LY96: variants seen among roughly 807,000 people sequenced by gnomAD.
LY96 encodes the protein myeloid differentiation protein-2.
LY96 carries 18 observed loss-of-function variants against 18.9 expected under a neutral mutation model. The observed-to-expected ratio is 0.95, with a 90% confidence interval of 0.66 to 1.41. The LOEUF is 1.41. Among genes scored for constraint, LY96 ranks in the 40% most tolerant of loss-of-function variants. The pLI, the probability that LY96 is intolerant of heterozygous loss-of-function variation, is 0.00. For synonymous variants in LY96, 66 were observed against 62.6 expected (o/e 1.06, Z -0.26); for missense variants, 175 against 182.4 (o/e 0.96, Z 0.23).
chr8:74,033,499 C>T (rs1280608409), downstream of LY96, among the ~76,000 whole-genome samples: 1 of 152,216 alleles, frequency 6.6e-6, no homozygotes, highest in African/African-American at 2.4e-5. Context: ...TAGGGTCTTG[C>T]TCCCTGACGA....
At chr8:74,066,121 A>G in the LY96 span, among the ~76,000 whole-genome samples, 1 of 152,124 alleles carries the variant, frequency 6.6e-6, no homozygotes, top group African/African-American at 2.4e-5. Context: ...GAGGCTGGGA[A>G]GTCCAAGACC....
chr8:74,043,875 C>G, the LY96 span, among the ~76,000 whole-genome samples: 1 of 152,040 alleles, frequency 6.6e-6, no homozygotes, highest in Non-Finnish European at 1.5e-5. Flanking sequence ...TGGCTGTTAC[C>G]CAGGCTGAAA....
At chr8:74,097,786 A>G in the LY96 span, among the ~76,000 whole-genome samples, 1 of 152,202 alleles carries the variant, frequency 6.6e-6, no homozygotes, top group Non-Finnish European at 1.5e-5. Context: ...CCAGTTACTC[A>G]AAGTGTGGTC....
At chr8:74,085,289 G>C in the LY96 span, among the ~76,000 whole-genome samples, 1 of 152,182 alleles carries the variant, frequency 6.6e-6, no homozygotes. Flanking sequence ...ACCTATGATT[G>C]TCTGGTTTCA....
intron 3 of LY96, among the ~76,000 whole-genome samples, chr8:74,020,836 A>G (rs952452144): frequency 6.6e-6 from 1 of 152,238 alleles, no homozygotes; most frequent in Non-Finnish European, 1.5e-5. Flanking sequence ...TCCCTATTTA[A>G]TAAATGGTGC....
At chr8:73,996,372 C>T (rs201495860) in intron 1 of LY96, among the ~76,000 whole-genome samples, 4,387 of 110,390 alleles carry the variant, frequency 0.04, 167 homozygotes, top group Non-Finnish European at 0.046. Context: ...TTCCTTCATT[C>T]CTTTCTTTCT....
chr8:74,098,996 A>G, the LY96 span, among the ~76,000 whole-genome samples: 4 of 152,166 alleles, frequency 2.6e-5, no homozygotes, highest in African/African-American at 4.8e-5. Context: ...CACTATCAAG[A>G]TTTTCAACAT....
chr8:74,064,615 T>A, the LY96 span, among the ~76,000 whole-genome samples: 32 of 152,320 alleles, frequency 2.1e-4, no homozygotes, highest in African/African-American at 7.0e-4. Context: ...TCTACCAGTA[T>A]TGGAAGCTCC....
the LY96 span, among the ~76,000 whole-genome samples, chr8:74,098,844 A>G: frequency 5.9e-5 from 9 of 152,334 alleles, no homozygotes; most frequent in South Asian, 1.7e-3. Context: ...AGACAGAGTT[A>G]GCAATTCTAA....
chr8:74,069,458 TA>T, the LY96 span, among the ~76,000 whole-genome samples: 2 of 152,194 alleles, frequency 1.3e-5, no homozygotes, highest in African/African-American at 4.8e-5. Flanking sequence ...TGGGCAGTGA[TA>T]TTCACACACG....
the LY96 span, among the ~76,000 whole-genome samples, chr8:74,078,302 A>C: frequency 1.3e-5 from 2 of 152,052 alleles, no homozygotes; most frequent in East Asian, 3.9e-4. Flanking sequence ...TTTCCTGTGG[A>C]GTGTGGCCAA....
chr8:74,064,553 C>T, the LY96 span, among the ~76,000 whole-genome samples: 1 of 152,200 alleles, frequency 6.6e-6, no homozygotes, highest in African/African-American at 2.4e-5. Flanking sequence ...GGCACCCCCT[C>T]CCTACTTTTG....
At chr8:74,081,042 CTTTCTTTT>C in the LY96 span, among the ~76,000 whole-genome samples, 39 of 108,326 alleles carry the variant, frequency 3.6e-4, 1 homozygote, top group African/African-American at 1.4e-3. Context: ...TTCTTTCTTT[CTTTCTTTT>C]TCTTTCTTTC....
chr8:74,059,684 G>A, the LY96 span, among the ~76,000 whole-genome samples: 2 of 152,110 alleles, frequency 1.3e-5, no homozygotes, highest in Non-Finnish European at 2.9e-5. Flanking sequence ...TGGATTACAG[G>A]TCTAAATGTG....
chr8:74,065,859 T>A, the LY96 span, among the ~76,000 whole-genome samples: 5 of 152,236 alleles, frequency 3.3e-5, no homozygotes, highest in Non-Finnish European at 7.3e-5. Flanking sequence ...AATGGAGGAA[T>A]GCTCTTGGAG....
At chr8:73,993,685 C>T (rs569091179) in intron 1 of LY96, among the ~76,000 whole-genome samples, 13 of 152,062 alleles carry the variant, frequency 8.5e-5, no homozygotes, top group East Asian at 1.9e-4. Context: ...TCAGGTGATC[C>T]GCCCACCTTG....
chr8:74,065,521 C>T, the LY96 span, among the ~76,000 whole-genome samples: 54 of 152,270 alleles, frequency 3.5e-4, no homozygotes, highest in Non-Finnish European at 6.6e-4. Flanking sequence ...ATTATGCAAA[C>T]ATGAGTAGTT....
At chr8:74,092,871 C>A in the LY96 span, among the ~76,000 whole-genome samples, 2 of 152,216 alleles carry the variant, frequency 1.3e-5, no homozygotes, top group Non-Finnish European at 2.9e-5. Context: ...CACAGCTCCA[C>A]TTTAAGTCCT....
chr8:74,014,574 A>G (rs72661876), intron 3 of LY96, among the ~76,000 whole-genome samples: 2,519 of 151,408 alleles, frequency 0.017, 27 homozygotes, highest in African/African-American at 0.032. Flanking sequence ...TCAAATAAAC[A>G]TGGCCATCTG....
Sources: allele counts gnomAD v4.1 joint callset (sites outside exome capture counted in the v4.1 genomes callset), GRCh38; gene constraint gnomAD v4.1.1; transcripts MANE v1.5; gene names NCBI Gene and HGNC (gene_info 2026-07-23, HGNC 2026-07-21).